The following MACC1 variants were observed in gnomAD, a reference collection of about 807,000 sequenced individuals.
The protein encoded by MACC1 is MET transcriptional regulator MACC1, also known as metastasis-associated in colon cancer protein 1.
A neutral mutation model predicts 70.7 loss-of-function variants in MACC1; 79 were observed. The ratio of observed to expected loss-of-function variants is 1.12; its 90% CI spans 0.93 to 1.35. The LOEUF (loss-of-function observed/expected upper bound fraction) is 1.35, where lower values mean the gene tolerates loss of function less well. Ranked by LOEUF, MACC1 falls within the 40% of genes most tolerant of loss-of-function variation. The pLI, the probability that MACC1 is intolerant of heterozygous loss-of-function variation, is 0.00. For missense variants in MACC1, 1,106 were observed against 978.1 expected (o/e 1.13, Z -1.74); for synonymous variants, 361 against 347.2 (o/e 1.04, Z -0.44).
chr7:20,162,144 G>GACA (rs150965300), intron 3 of MACC1, among the ~76,000 whole-genome samples: 2 of 151,618 alleles, frequency 1.3e-5, no homozygotes, highest in Non-Finnish European at 2.9e-5. Flanking sequence ...GAATTCCAAG[G>GACA]ACAACAACAA....
At chr7:20,209,681 G>T (rs183444041) in intron 1 of MACC1, among the ~76,000 whole-genome samples, 12 of 152,224 alleles carry the variant, frequency 7.9e-5, no homozygotes, top group Non-Finnish European at 1.5e-4. Context: ...TTAAGGCTTT[G>T]GGGGGGACTA....
intron 1 of MACC1, among the ~76,000 whole-genome samples, chr7:20,192,666 G>T (rs747165731): frequency 6.6e-6 from 1 of 152,172 alleles, no homozygotes; most frequent in Non-Finnish European, 1.5e-5. Context: ...TACAACCATT[G>T]TTTTGAGCCA....
chr7:20,182,108 A>G (rs10243947), intron 1 of MACC1, among the ~76,000 whole-genome samples: 74,464 of 146,804 alleles, frequency 0.51, 21,193 homozygotes, highest in East Asian at 0.85. Flanking sequence ...ACCAAACACC[A>G]CGTGTTCTCA....
rs1239995248 is a variant in MACC1 at position 20,159,765 on chromosome 7, C to A, written c.596G>T (p.Ser199Ile). 1 of 1,614,006 alleles carries A rather than the reference C, an allele frequency of 6.2e-7. No individual in the cohort carries two copies. Among genetic ancestry groups the A allele is most frequent in the African/African-American group, 1.3e-5 (1 of 74,940 alleles). The change falls in exon 5 of 7, where the codon AGT becomes ATT. Residue 199 changes from serine to isoleucine, a missense_variant. Physicochemically the swap from Ser to Ile is moderately radical, Grantham distance 142. Transcript: ENST00000400331. ...TGTCTGGGCCCATCCAGGGCTCTGA[C>A]TAATTGTATTCAAATCAAGGCAGGA... ...ARSCLDLNTI[S>I]QSPGWAQTQL... is the part of the protein sequence containing the mutation.
At chr7:20,188,272 C>T (rs1030823916) in intron 1 of MACC1, among the ~76,000 whole-genome samples, 1 of 152,124 alleles carries the variant, frequency 6.6e-6, no homozygotes, top group Non-Finnish European at 1.5e-5. Flanking sequence ...CTGGTTCTAA[C>T]AAAACATTCT....
At chr7:20,142,969 C>T (rs1004790847) in intron 6 of MACC1, among the ~76,000 whole-genome samples, 2 of 152,178 alleles carry the variant, frequency 1.3e-5, no homozygotes, top group African/African-American at 4.8e-5. Context: ...TAAACAGCAA[C>T]TTAAAACATT....
chr7:20,177,868 G>GTCCA (rs1782420795), intron 1 of MACC1, among the ~76,000 whole-genome samples: 2 of 151,316 alleles, frequency 1.3e-5, no homozygotes, highest in Non-Finnish European at 1.5e-5. Flanking sequence ...CCAAATTGTT[G>GTCCA]GACTTTTTTA....
intron 2 of MACC1, among the ~76,000 whole-genome samples, chr7:20,166,292 C>A (rs1367978818): frequency 6.6e-6 from 1 of 152,178 alleles, no homozygotes; most frequent in African/African-American, 2.4e-5. Flanking sequence ...TTTTCCTTCA[C>A]CTGCCAAATG....
intron 1 of MACC1, among the ~76,000 whole-genome samples, chr7:20,213,084 T>C (rs1023552652): frequency 6.6e-6 from 1 of 152,110 alleles, no homozygotes; most frequent in Non-Finnish European, 1.5e-5. Context: ...AATTAAGATG[T>C]GGAAAATGCA....
chr7:20,157,161 C>T (rs1782067043), intron 5 of MACC1, among the ~76,000 whole-genome samples: 1 of 152,112 alleles, frequency 6.6e-6, no homozygotes, highest in Admixed American at 6.6e-5. Context: ...CTATACTTAC[C>T]CCATAGAGTT....
chr7:20,184,408 T>A (rs1782554841), intron 1 of MACC1, among the ~76,000 whole-genome samples: 1 of 152,214 alleles, frequency 6.6e-6, no homozygotes, highest in African/African-American at 2.4e-5. Flanking sequence ...ACCCTCCCAG[T>A]CTCTGCAACA....
intron 1 of MACC1, among the ~76,000 whole-genome samples, chr7:20,176,523 G>A (rs1019825369): frequency 2.0e-5 from 3 of 152,094 alleles, no homozygotes; most frequent in Admixed American, 6.5e-5. Flanking sequence ...CTTATGCAAT[G>A]TCTTTTAAAA....
intron 1 of MACC1, among the ~76,000 whole-genome samples, chr7:20,216,833 T>G (rs573815140): frequency 3.9e-5 from 6 of 152,236 alleles, no homozygotes; most frequent in Non-Finnish European, 1.5e-5. Context: ...ACTGAGACTT[T>G]GCGAGGTGAA....
At chr7:20,156,578 G>T (rs1782057870) in intron 5 of MACC1, among the ~76,000 whole-genome samples, 1 of 152,180 alleles carries the variant, frequency 6.6e-6, no homozygotes, top group Non-Finnish European at 1.5e-5. Flanking sequence ...TGCACACGCA[G>T]CTTCCACCAG....
intron 1 of MACC1, among the ~76,000 whole-genome samples, chr7:20,174,752 A>G (rs1014439123): frequency 1.3e-5 from 2 of 152,138 alleles, no homozygotes; most frequent in Non-Finnish European, 2.9e-5. Context: ...ATGCAAAATA[A>G]TGTTCACATT....
Position 20,159,877 on chromosome 7 carries a change from G to C in MACC1, c.484C>G (p.Gln162Glu). 1 of 1,614,066 alleles carries C rather than the reference G, an allele frequency of 6.2e-7. No individual in the cohort carries two copies. The highest frequency in any genetic ancestry group is 8.5e-7 in the Non-Finnish European group (1 of 1,180,004). Reference protein sequence around the residue: ...HAHQSIHNSDQILLHDLEWLK... With the variant: ...HAHQSIHNSDEILLHDLEWLK... ...CACTCTAAGTCGTGTAGTAGGATCT[G>C]GTCAGAGTTATGTATACTCTGATGG... The change falls in exon 5 of 7, where the codon CAG becomes GAG. Residue 162 changes from glutamine (Q) to glutamate (E), a missense_variant. By Grantham distance (29) the Gln-to-Glu change is conservative. Coordinates refer to ENST00000400331, the MANE Select transcript of MACC1 (RefSeq NM_182762.4).
intron 2 of MACC1, among the ~76,000 whole-genome samples, chr7:20,166,101 C>T (rs528776690): frequency 3.3e-5 from 5 of 152,224 alleles, no homozygotes; most frequent in African/African-American, 1.2e-4. Context: ...GTGAAAATTG[C>T]TAGTGTTAGC....
intron 5 of MACC1, among the ~76,000 whole-genome samples, chr7:20,154,974 A>T (rs905565783): frequency 6.6e-6 from 1 of 151,672 alleles, no homozygotes; most frequent in Non-Finnish European, 1.5e-5. Flanking sequence ...TATATATATA[A>T]ATTTATTAAA....
Position 20,160,510 on chromosome 7 carries a change from A to G in MACC1, c.116-265T>C, listed in dbSNP as rs115977940. Among the ~76,000 whole-genome samples the G allele has an allele frequency of 5.2e-3, 786 of 152,290 alleles. 9 individuals are homozygous for G. Among genetic ancestry groups the G allele is most frequent in the African/African-American group, 0.018 (746 of 41,568 alleles). On this transcript the variant is annotated intron_variant, in intron 4 of 6. Transcript: ENST00000400331. Reference sequence around the variant, plus strand: ...ATCATGATTTATAAACTAAACAAATAAATATTTAATATGACCTAATAATAT... The same window carrying G: ...ATCATGATTTATAAACTAAACAAATGAATATTTAATATGACCTAATAATAT...
Sources: allele counts gnomAD v4.1 joint callset (sites outside exome capture counted in the v4.1 genomes callset), GRCh38; gene constraint gnomAD v4.1.1; transcripts MANE v1.5; gene names NCBI Gene and HGNC (gene_info 2026-07-23, HGNC 2026-07-21).